Variants in SEMA4B observed in about 807,000 individuals in gnomAD.
The protein encoded by SEMA4B is semaphorin 4B, also known as semaphorin-4B.
A neutral mutation model predicts 88.1 loss-of-function variants in SEMA4B; 55 were observed. That is an observed-to-expected ratio of 0.62 (90% CI 0.50 to 0.78). The LOEUF (loss-of-function observed/expected upper bound fraction) is 0.78. SEMA4B is among the 30% of genes least tolerant of loss of function. The probability of loss-of-function intolerance (pLI) is 0.00; values close to 1 mark genes in which losing one functional copy is unlikely to be tolerated. For synonymous variants in SEMA4B, 525 were observed against 473.6 expected (o/e 1.11, Z -1.41); for missense variants, 1,062 against 1,111.9 (o/e 0.96, Z 0.64).
At chr15:90,215,777 A>G (rs957374040) in intron 1 of SEMA4B, among the ~76,000 whole-genome samples, 9 of 152,042 alleles carry the variant, frequency 5.9e-5, no homozygotes, top group Non-Finnish European at 1.0e-4. Flanking sequence ...ATGCCAGTGC[A>G]CTCCTGCCTG....
intron 1 of SEMA4B, among the ~76,000 whole-genome samples, chr15:90,194,707 C>G (rs1334933958): frequency 6.6e-6 from 1 of 152,042 alleles, no homozygotes; most frequent in Non-Finnish European, 1.5e-5. Context: ...GGCTGTCACC[C>G]ATTTTTGTTT....
At chr15:90,201,237 C>A, upstream of SEMA4B, 2 of 931,578 alleles carry the variant, frequency 2.1e-6, no homozygotes, top group Non-Finnish European at 2.6e-6. Context: ...GCTGCCGCCC[C>A]TCGCGCTGCC....
In SEMA4B at chr15:90,229,507, C is replaced by G. The variant is rs1027992871; in HGVS notation, c.*864C>G. ...ACTGCACCCTGGTCCTCTCCCCAGT[C>G]CCCAGTTCACCCTCCATCCCTCACC... On this transcript the variant is annotated 3_prime_UTR_variant, in exon 14 of 14. Transcript: ENST00000411539. 109 of 418,414 alleles carry G rather than the reference C, an allele frequency of 2.6e-4. No individual in the cohort carries two copies. Among genetic ancestry groups the G allele is most frequent in the South Asian group, 1.7e-3 (96 of 56,490 alleles). 25.9% of individuals were successfully genotyped at this position (418,414 alleles called of 1,614,324 possible). A position where few individuals can be genotyped will look rare whatever the true frequency, so the allele number is the denominator to read the frequency against.
intron 1 of SEMA4B, among the ~76,000 whole-genome samples, chr15:90,213,500 C>T (rs1185748514): frequency 6.6e-6 from 1 of 152,232 alleles, no homozygotes; most frequent in Non-Finnish European, 1.5e-5. Flanking sequence ...GTTTGGAGGC[C>T]TGGGCTGAAC....
chr15:90,208,764 T>A (rs917520708), intron 1 of SEMA4B, among the ~76,000 whole-genome samples: 1 of 151,396 alleles, frequency 6.6e-6, no homozygotes, highest in African/African-American at 2.4e-5. Context: ...TTTTTTTTTT[T>A]GAGATGGGGT....
intron 1 of SEMA4B, among the ~76,000 whole-genome samples, chr15:90,206,023 G>T (rs937983273): frequency 2.6e-5 from 4 of 152,178 alleles, no homozygotes; most frequent in African/African-American, 9.7e-5. Context: ...AAATACCTCT[G>T]TGCCAACCCA....
At chr15:90,227,311 T>G in intron 12 of SEMA4B, 1 of 476,996 alleles carries the variant, frequency 2.1e-6, no homozygotes, top group Non-Finnish European at 3.7e-6. Context: ...CCTCCCAAAG[T>G]GCTGGGATTA....
At chr15:90,216,009 A>G (rs1367985728) in intron 1 of SEMA4B, among the ~76,000 whole-genome samples, 1 of 146,160 alleles carries the variant, frequency 6.8e-6, no homozygotes, top group Non-Finnish European at 1.5e-5. Context: ...TCTTTTTGAG[A>G]TGGAGTTTCA....
At position 90,225,641 on chromosome 15, in the gene SEMA4B, C is replaced by A. The variant is rs768244781; in HGVS notation, c.1522-20C>A. 7.7e-6 allele frequency: 12 copies of A among 1,556,698 alleles called. No individual in the cohort carries two copies. In the Admixed American group the frequency reaches 1.1e-4, roughly 15 times the overall value. ...CTGGCTGCCCATGCCCGCTTCTCAT[C>A]CCCGTGTCTGGCTGTGCAGGGGCTG... On this transcript the variant is annotated intron_variant, in intron 11 of 13. Coordinates refer to ENST00000411539, the MANE Select transcript of SEMA4B (RefSeq NM_198925.4).
At chr15:90,190,100 G>A (rs1416761113) in intron 1 of SEMA4B, among the ~76,000 whole-genome samples, 2 of 152,192 alleles carry the variant, frequency 1.3e-5, no homozygotes, top group African/African-American at 2.4e-5. Flanking sequence ...CAGAGTCCCT[G>A]GTGTGGTGCC....
intron 1 of SEMA4B, among the ~76,000 whole-genome samples, chr15:90,188,792 C>G (rs1024860886): frequency 1.7e-4 from 26 of 151,926 alleles, no homozygotes; most frequent in Non-Finnish European, 5.9e-5. Flanking sequence ...CTCAGCCTCC[C>G]GAGTAGCTGG....
chr15:90,198,478 T>A (rs947958894), upstream of SEMA4B, among the ~76,000 whole-genome samples: 1 of 152,142 alleles, frequency 6.6e-6, no homozygotes, highest in Admixed American at 6.6e-5. Flanking sequence ...AGAAAAACCA[T>A]AACTAATATA....
chr15:90,208,438 A>T (rs1381317530), intron 1 of SEMA4B, among the ~76,000 whole-genome samples: 1 of 152,182 alleles, frequency 6.6e-6, no homozygotes, highest in Non-Finnish European at 1.5e-5. Flanking sequence ...GTAAAAGTAG[A>T]AGGCAAGAAG....
intron 12 of SEMA4B, among the ~76,000 whole-genome samples, chr15:90,227,070 G>T (rs896663921): frequency 6.6e-6 from 1 of 151,960 alleles, no homozygotes; most frequent in Non-Finnish European, 1.5e-5. Flanking sequence ...TTGAGACAGG[G>T]TCTCTCTGTG....
At chr15:90,201,126 T>TG (rs995919108), upstream of SEMA4B, among the ~76,000 whole-genome samples, 2 of 151,198 alleles carry the variant, frequency 1.3e-5, no homozygotes, top group African/African-American at 4.9e-5. Flanking sequence ...GTCTGAGCAG[T>TG]GGGGGCGGGG....
At chr15:90,188,577 G>T (rs886852595) in intron 1 of SEMA4B, among the ~76,000 whole-genome samples, 3 of 151,880 alleles carry the variant, frequency 2.0e-5, no homozygotes, top group Admixed American at 2.0e-4. Context: ...GCAGTGAGCC[G>T]AGATCGCACC....
chr15:90,227,280 C>A, intron 12 of SEMA4B: 1 of 393,348 alleles, frequency 2.5e-6, no homozygotes, highest in Non-Finnish European at 4.6e-6. Context: ...TTCCTGGGCT[C>A]AAGCGATCTA....
In SEMA4B at chr15:90,225,757, G is replaced by A. The variant is rs1374109826; in HGVS notation, c.1618G>A (p.Asp540Asn). The change falls in exon 12 of 14, where the codon GAC becomes AAC. Residue 540 changes from aspartate (D) to asparagine (N), a missense_variant. By Grantham distance (23) the Asp-to-Asn change is conservative (BLOSUM62 1). Transcript: ENST00000411539. ...CTGTGGGGACTGCCTCCTCGCCCGG[G>A]ACCCCTACTGTGCTTGGAGCGGCTC... is the stretch of plus-strand genomic sequence containing the variant. ...RSCGDCLLARDPYCAWSGSSC... is the reference protein window; with the variant it reads ...RSCGDCLLARNPYCAWSGSSC... The A allele has an allele frequency of 1.3e-6, 2 of 1,577,044 alleles. No individual in the cohort carries two copies. The highest frequency in any genetic ancestry group is 2.3e-5 in the East Asian group (1 of 42,658).
At chr15:90,196,743 T>G (rs1354632451), upstream of SEMA4B, among the ~76,000 whole-genome samples, 1 of 152,198 alleles carries the variant, frequency 6.6e-6, no homozygotes, top group African/African-American at 2.4e-5. Context: ...CGCCTCAGCC[T>G]CCCAAAGTGC....
Sources: gnomAD v4.1 joint callset for allele counts (sites outside exome capture counted in the v4.1 genomes callset) on GRCh38, gnomAD v4.1.1 for gene constraint, MANE v1.5 for transcripts, NCBI Gene and HGNC (gene_info 2026-07-23, HGNC 2026-07-21) for gene names.